Variants in KDM2A observed in about 807,000 individuals in gnomAD.
The protein encoded by KDM2A is lysine demethylase 2A, also known as lysine-specific demethylase 2A.
A neutral mutation model predicts 137.3 loss-of-function variants in KDM2A; 3 were observed. That is an observed-to-expected ratio of 0.02 (90% CI 0.01 to 0.06). The LOEUF (loss-of-function observed/expected upper bound fraction) is 0.06, where lower values mean the gene tolerates loss of function less well. Among genes scored for constraint, KDM2A ranks in the 10% least tolerant of loss-of-function variants. KDM2A has a pLI of 1.00. For synonymous variants in KDM2A, 512 were observed against 541.5 expected (o/e 0.95, Z 0.76); for missense variants, 738 against 1,510.6 (o/e 0.49, Z 8.48).
chr11:67,253,649 G>A (rs1455291852), intron 19 of KDM2A, 38 bp downstream of exon 19: 4 of 1,605,224 alleles, frequency 2.5e-6, no homozygotes, highest in Admixed American at 3.4e-5. Context: ...CTTGTCTTGG[G>A]GTAGCTTTGT....
intron 12 of KDM2A, among the ~76,000 whole-genome samples, chr11:67,233,677 G>C (rs1858788879): frequency 6.9e-6 from 1 of 143,934 alleles, no homozygotes; most frequent in African/African-American, 2.6e-5. Flanking sequence ...CAAATCCATT[G>C]GAGTAGTTTA....
chr11:67,143,251 CCCGCCT>C (rs1379838350), intron 2 of KDM2A: 2 of 151,978 alleles, frequency 1.3e-5, no homozygotes, highest in Admixed American at 1.3e-4. Flanking sequence ...AGGTGATCCT[CCCGCCT>C]CCGCCTCCCA....
intron 2 of KDM2A, chr11:67,143,251 C>T (rs1856160044): frequency 1.3e-5 from 2 of 152,096 alleles, no homozygotes; most frequent in Admixed American, 6.6e-5. Context: ...AGGTGATCCT[C>T]CCGCCTCCGC....
intron 5 of KDM2A, 119 bp from the exon 6 acceptor site, chr11:67,207,391 G>A (rs1857835409): frequency 1.5e-6 from 1 of 678,318 alleles, no homozygotes; most frequent in Admixed American, 3.3e-5. Flanking sequence ...CTTTTTCCTT[G>A]TGTATTATTG....
chr11:67,235,136 C>A (rs1858827952), intron 12 of KDM2A, among the ~76,000 whole-genome samples: 1 of 137,038 alleles, frequency 7.3e-6, no homozygotes, highest in Admixed American at 7.3e-5. Flanking sequence ...CAGAGCAAGA[C>A]TCCATCTCAA....
In KDM2A at chr11:67,142,327, G is replaced by A. The variant is rs563410014; in HGVS notation, c.42+20969G>A. On this transcript the variant is annotated intron_variant, in intron 2 of 20. Coordinates refer to ENST00000529006, the MANE Select transcript of KDM2A (RefSeq NM_012308.3). ...GCTGGGATTACAGGCATGAGCCACC[G>A]CGCCCACTGTATATCTAGTTTTTTT... is the stretch of plus-strand genomic sequence containing the variant. Among the ~76,000 whole-genome samples, 11 of 147,768 alleles carry A rather than the reference G, an allele frequency of 7.4e-5. No homozygotes were observed. The East Asian group carries it at 2.2e-3, about 30-fold the overall frequency.
At chr11:67,198,186 C>G (rs1200941914) in intron 5 of KDM2A, among the ~76,000 whole-genome samples, 5 of 152,124 alleles carry the variant, frequency 3.3e-5, no homozygotes, top group Admixed American at 3.3e-4. Context: ...CAGTGTTGTT[C>G]AAGGATCAAC....
intron 6 of KDM2A, among the ~76,000 whole-genome samples, chr11:67,211,868 C>T (rs1858003642): frequency 6.6e-6 from 1 of 152,044 alleles, no homozygotes; most frequent in Non-Finnish European, 1.5e-5. Context: ...ATTCATTTAT[C>T]AGATGCCTAC....
intron 5 of KDM2A, among the ~76,000 whole-genome samples, chr11:67,202,068 G>A (rs796269059): frequency 7.9e-5 from 12 of 152,312 alleles, no homozygotes; most frequent in African/African-American, 2.9e-4. Context: ...TGATGACTTT[G>A]AGGGGTTCAA....
chr11:67,228,427 C>G (rs530798273), intron 11 of KDM2A, among the ~76,000 whole-genome samples: 1 of 152,246 alleles, frequency 6.6e-6, no homozygotes, highest in African/African-American at 2.4e-5. Context: ...CACGCTGGTT[C>G]ACGCCTGTAA....
intron 5 of KDM2A, among the ~76,000 whole-genome samples, chr11:67,189,389 A>C (rs1020931219): frequency 3.9e-5 from 6 of 152,224 alleles, no homozygotes; most frequent in Non-Finnish European, 7.3e-5. Context: ...AGTGAAAGCA[A>C]CATTAAAGGA....
intron 4 of KDM2A, among the ~76,000 whole-genome samples, 178 bp downstream of exon 4, chr11:67,181,576 A>G (rs1296407984): frequency 6.6e-6 from 1 of 151,862 alleles, no homozygotes; most frequent in African/African-American, 2.4e-5. Flanking sequence ...GAGGTAAATG[A>G]GAAAATATAG....
intron 2 of KDM2A, among the ~76,000 whole-genome samples, chr11:67,158,478 C>T (rs1344343208): frequency 6.6e-6 from 1 of 152,112 alleles, no homozygotes; most frequent in Non-Finnish European, 1.5e-5. Flanking sequence ...TAAGAAGCTG[C>T]CAAGCTGTTT....
intron 6 of KDM2A, among the ~76,000 whole-genome samples, chr11:67,208,768 CAAAAA>C (rs530204253): frequency 1.5e-5 from 1 of 67,578 alleles, no homozygotes. Flanking sequence ...GACCCTGTCT[CAAAAA>C]AAAAAAAAAA....
intron 10 of KDM2A, 36 bp downstream of exon 10, chr11:67,219,439 G>A: frequency 1.8e-6 from 2 of 1,137,940 alleles, no homozygotes; most frequent in Non-Finnish European, 2.5e-6. Flanking sequence ...ATGTGAAGAG[G>A]TTTACTCCAG....
chr11:67,144,247 T>TA (rs1856191971), intron 2 of KDM2A, among the ~76,000 whole-genome samples: 1 of 150,494 alleles, frequency 6.6e-6, no homozygotes, highest in African/African-American at 2.4e-5. Flanking sequence ...CCCTTGGCCT[T>TA]AAATTTTTTT....
chr11:67,196,378 G>T (rs538400703), intron 5 of KDM2A: 3 of 455,998 alleles, frequency 6.6e-6, no homozygotes. Flanking sequence ...GGACTCAAGC[G>T]ATCTTCCTGC....
In KDM2A at chr11:67,256,316, C is replaced by T. The variant is rs564993682; in HGVS notation, c.*1261C>T. The T allele has an allele frequency of 6.6e-6, 1 of 152,340 alleles. No homozygotes were observed. 9.4% of individuals were successfully genotyped at this position (152,340 alleles called of 1,614,324 possible). A position where few individuals can be genotyped will look rare whatever the true frequency, so the allele number is the denominator to read the frequency against. ...TGCATTGAACGGCCTGTCCAAAGAT[C>T]CTCTCTCTAGGGCAGCAGAGAGCTT... On this transcript the variant is annotated 3_prime_UTR_variant, in exon 21 of 21. Transcript: ENST00000529006.
chr11:67,221,187 A>G (rs897565994), intron 10 of KDM2A, among the ~76,000 whole-genome samples: 2 of 152,226 alleles, frequency 1.3e-5, no homozygotes, highest in Admixed American at 6.5e-5. Flanking sequence ...ATATGAAAGT[A>G]TAGATGATAC....
Sources: allele counts gnomAD v4.1 joint callset (sites outside exome capture counted in the v4.1 genomes callset), GRCh38; gene constraint gnomAD v4.1.1; transcripts MANE v1.5; gene names NCBI Gene and HGNC (gene_info 2026-07-23, HGNC 2026-07-21).